ACBD6: variants seen among roughly 807,000 people sequenced by gnomAD.
The protein encoded by ACBD6 is acyl-CoA-binding domain-containing protein 6.
A neutral mutation model predicts 37.2 loss-of-function variants in ACBD6; 28 were observed. The ratio of observed to expected loss-of-function variants is 0.75; its 90% confidence interval spans 0.56 to 1.03. ACBD6 has a LOEUF of 1.03. ACBD6 is among the 50% of genes least tolerant of loss of function. The pLI, the probability that ACBD6 is intolerant of heterozygous loss-of-function variation, is 0.00. For synonymous variants in ACBD6, 113 were observed against 126.8 expected, an observed-to-expected ratio of 0.89 and a Z score of 0.73; for missense variants, 340 against 337.4, an observed-to-expected ratio of 1.01 and a Z score of -0.06.
intron 1 of ACBD6, among the ~76,000 whole-genome samples, chr1:180,499,557 A>G (rs1277979871): frequency 1.3e-5 from 2 of 152,210 alleles, no homozygotes; most frequent in African/African-American, 4.8e-5. Context: ...TATTTTAATA[A>G]TGACACCAAT....
intron 6 of ACBD6, among the ~76,000 whole-genome samples, chr1:180,362,766 A>G (rs1231748414): frequency 6.6e-6 from 1 of 152,028 alleles, no homozygotes; most frequent in Non-Finnish European, 1.5e-5. Flanking sequence ...CTAATTTTAA[A>G]AAGACAAACT....
chr1:180,442,217 T>C (rs1486509202), intron 3 of ACBD6, among the ~76,000 whole-genome samples: 1 of 152,224 alleles, frequency 6.6e-6, no homozygotes, highest in Non-Finnish European at 1.5e-5. Context: ...ATGGTTTCAT[T>C]ACATTTCTTC....
chr1:180,418,067 T>C (rs1337787110), intron 4 of ACBD6, among the ~76,000 whole-genome samples: 1 of 152,038 alleles, frequency 6.6e-6, no homozygotes. Context: ...ATATAATCTT[T>C]CACATATCTA....
chr1:180,456,765 C>T (rs1193621390), intron 3 of ACBD6, among the ~76,000 whole-genome samples: 1 of 151,816 alleles, frequency 6.6e-6, no homozygotes, highest in Non-Finnish European at 1.5e-5. Context: ...TCTCTGTTGC[C>T]CAGGTTGGAG....
chr1:180,275,299 C>T (rs60852985), exon 10 of ACBD6: 1 of 152,218 alleles, frequency 6.6e-6, no homozygotes, highest in Non-Finnish European at 1.5e-5. Flanking sequence ...CTGAGTAGCC[C>T]TGGACCACCG....
chr1:180,322,232 T>A (rs1263064628), intron 6 of ACBD6, among the ~76,000 whole-genome samples: 7 of 152,120 alleles, frequency 4.6e-5, no homozygotes, highest in African/African-American at 1.7e-4. Flanking sequence ...TGATGAGTGA[T>A]CTTTTTAATG....
chr1:180,453,082 C>T (rs1411734759), intron 3 of ACBD6, among the ~76,000 whole-genome samples: 3 of 152,294 alleles, frequency 2.0e-5, no homozygotes, highest in Non-Finnish European at 2.9e-5. Flanking sequence ...CAGCATCAAC[C>T]TGATATCAAA....
At chr1:180,437,766 C>A (rs1430027065) in intron 3 of ACBD6, among the ~76,000 whole-genome samples, 1 of 152,036 alleles carries the variant, frequency 6.6e-6, no homozygotes, top group Non-Finnish European at 1.5e-5. Context: ...AAAACAGGTC[C>A]AGGAACAAGG....
intron 3 of ACBD6, among the ~76,000 whole-genome samples, chr1:180,442,283 C>G (rs1424969184): frequency 6.8e-6 from 1 of 146,324 alleles, no homozygotes; most frequent in Non-Finnish European, 1.5e-5. Flanking sequence ...TGACTCTCAA[C>G]TAGGGGCACT....
chr1:180,408,900 TA>T (rs1205108540), intron 5 of ACBD6, among the ~76,000 whole-genome samples: 2 of 152,142 alleles, frequency 1.3e-5, no homozygotes, highest in African/African-American at 4.8e-5. Context: ...CTCACATCTG[TA>T]ACCCTAACAC....
rs555624631 is a variant in ACBD6 at position 180,469,688 on chromosome 1, T to C, written c.384+22581A>G. The stretch of plus-strand genomic sequence containing the variant: ...CCACATTAAGGGAAATGTATTAATG[T>C]TTCCCTGTGAATAATTTCTCTATAA... On this transcript the variant is annotated intron_variant, in intron 3 of 7. Transcript: ENST00000367595. Among the ~76,000 whole-genome samples the C allele has an allele frequency of 4.6e-5, 7 of 152,300 alleles. No individual in the cohort carries two copies. In the East Asian group the frequency reaches 1.2e-3, roughly 25 times the overall value.
At chr1:180,279,396 G>C (rs1254266728) in intron 9 of ACBD6, among the ~76,000 whole-genome samples, 2 of 152,074 alleles carry the variant, frequency 1.3e-5, no homozygotes, top group Admixed American at 6.6e-5. Flanking sequence ...TCCTGGGTTC[G>C]AGTGATTTTC....
intron 5 of ACBD6, 92 bp from the exon 6 acceptor site, chr1:180,397,697 A>T: frequency 9.3e-7 from 1 of 1,077,096 alleles, no homozygotes; most frequent in African/African-American, 1.6e-5. Context: ...AAATATAAAA[A>T]ATTATGGGTT....
chr1:180,291,137 A>T (rs374559855), intron 7 of ACBD6, among the ~76,000 whole-genome samples: 5 of 152,338 alleles, frequency 3.3e-5, no homozygotes, highest in African/African-American at 1.2e-4. Context: ...GTATGCAGTC[A>T]TCTGGGCTGC....
intron 3 of ACBD6, among the ~76,000 whole-genome samples, chr1:180,470,305 T>C (rs919585168): frequency 1.3e-5 from 2 of 152,150 alleles, no homozygotes; most frequent in Non-Finnish European, 1.5e-5. Context: ...ACCATGAAGC[T>C]ATATGAAATT....
In ACBD6 at chr1:180,308,868, T is replaced by C. The variant is rs920498452; in HGVS notation, c.694+5824A>G. ...GGGACATCTCTTATCTTAAAAAGAA[T>C]GTTTGATGTATTTTATCCAGCAAAT... is the stretch of plus-strand genomic sequence containing the variant. On this transcript the variant is annotated intron_variant, in intron 7 of 7. Transcript: ENST00000367595. Among the ~76,000 whole-genome samples the C allele has an allele frequency of 2.0e-5, 3 of 152,188 alleles. No homozygotes were observed. In the South Asian group the frequency reaches 6.2e-4, roughly 31 times the overall value.
chr1:180,311,864 T>C (rs531746823), intron 7 of ACBD6, among the ~76,000 whole-genome samples: 1 of 152,352 alleles, frequency 6.6e-6, no homozygotes, highest in East Asian at 1.9e-4. Flanking sequence ...TAGTACCATT[T>C]CTAGAAGCTA....
chr1:180,373,722 C>T (rs886693282), intron 6 of ACBD6, among the ~76,000 whole-genome samples: 1 of 151,842 alleles, frequency 6.6e-6, no homozygotes, highest in East Asian at 1.9e-4. Flanking sequence ...TATTTAACCT[C>T]CAGACATTAA....
chr1:180,275,214 GT>G (rs1269122489), exon 10 of ACBD6: 1 of 152,132 alleles, frequency 6.6e-6, no homozygotes, highest in African/African-American at 2.4e-5. Flanking sequence ...ACCTGTTTTG[GT>G]TTTTAAGTGT....
Sources: gnomAD v4.1 joint callset for allele counts (sites outside exome capture counted in the v4.1 genomes callset) on GRCh38, gnomAD v4.1.1 for gene constraint, MANE v1.5 for transcripts, NCBI Gene and HGNC (gene_info 2026-07-23, HGNC 2026-07-21) for gene names.